The following TAFA1 variants were observed in gnomAD, a reference collection of about 807,000 sequenced individuals.
The protein encoded by TAFA1 is chemokine-like protein TAFA-1.
Under a neutral mutation model 18.5 loss-of-function variants are expected in TAFA1, and 4 were observed. That is an observed-to-expected ratio of 0.22 (90% CI 0.11 to 0.49). The LOEUF (loss-of-function observed/expected upper bound fraction) is 0.49. Among genes scored for constraint, TAFA1 ranks in the 20% least tolerant of loss-of-function variants. The pLI, the probability that TAFA1 is intolerant of heterozygous loss-of-function variation, is 0.98. For synonymous variants in TAFA1, 56 were observed against 55.2 expected, an observed-to-expected ratio of 1.01 and a Z score of -0.06; for missense variants, 147 against 169.0, an observed-to-expected ratio of 0.87 and a Z score of 0.72.
At chr3:68,044,053 C>A (rs991453144) in intron 2 of TAFA1, among the ~76,000 whole-genome samples, 2 of 152,156 alleles carry the variant, frequency 1.3e-5, no homozygotes, top group African/African-American at 4.8e-5. Flanking sequence ...GGATTCTACT[C>A]TTTGAAGACC....
chr3:68,094,702 G>T (rs1559518109), intron 2 of TAFA1, among the ~76,000 whole-genome samples: 1 of 152,046 alleles, frequency 6.6e-6, no homozygotes, highest in South Asian at 2.1e-4. Context: ...TAACCCCCAT[G>T]AGCCTCAGTA....
rs558639873 is a variant in TAFA1 at position 68,130,374 on chromosome 3, C to G, written c.118+123630C>G. ...GTAAAAGGCAAATGTGGTTCTTTCTCCAAGATACAGCTCTGACCCTTTCAT... is the reference window on the plus strand; with the variant it reads ...GTAAAAGGCAAATGTGGTTCTTTCTGCAAGATACAGCTCTGACCCTTTCAT... On this transcript the variant is annotated intron_variant, in intron 2 of 4. Transcript: ENST00000478136. Among the ~76,000 whole-genome samples, 20 of 152,272 alleles carry G rather than the reference C, an allele frequency of 1.3e-4. 1 individual carries two copies. In the South Asian group the frequency reaches 3.9e-3, roughly 30 times the overall value.
intron 2 of TAFA1, among the ~76,000 whole-genome samples, chr3:68,121,614 A>G (rs2065399566): frequency 6.6e-6 from 1 of 152,292 alleles, no homozygotes; most frequent in East Asian, 1.9e-4. Context: ...CCCTAATTCA[A>G]TAACATGAGT....
At chr3:68,166,679 A>T (rs1195718485) in intron 2 of TAFA1, among the ~76,000 whole-genome samples, 3 of 152,144 alleles carry the variant, frequency 2.0e-5, no homozygotes, top group African/African-American at 7.2e-5. Flanking sequence ...GAAGCGCATA[A>T]TGGGAGAGCA....
intron 2 of TAFA1, among the ~76,000 whole-genome samples, chr3:68,031,278 G>T (rs1254542808): frequency 2.6e-5 from 4 of 152,138 alleles, no homozygotes; most frequent in Non-Finnish European, 5.9e-5. Context: ...AGAAATTGAT[G>T]TTGAATTCAT....
At chr3:68,061,166 A>G (rs2064597572) in intron 2 of TAFA1, among the ~76,000 whole-genome samples, 1 of 152,240 alleles carries the variant, frequency 6.6e-6, no homozygotes, top group Admixed American at 6.5e-5. Flanking sequence ...GACATGGCAT[A>G]TGCGAGTCTG....
At chr3:68,439,124 G>T (rs971982356) in intron 3 of TAFA1, among the ~76,000 whole-genome samples, 72 of 151,906 alleles carry the variant, frequency 4.7e-4, no homozygotes, top group Non-Finnish European at 1.0e-4. Flanking sequence ...CTACACCATT[G>T]GTTTTTCTCT....
At chr3:68,085,627 A>G (rs2106786097) in intron 2 of TAFA1, among the ~76,000 whole-genome samples, 1 of 152,332 alleles carries the variant, frequency 6.6e-6, no homozygotes, top group Non-Finnish European at 1.5e-5. Context: ...TGCCTTCCAT[A>G]GAGCTTTGAA....
intron 3 of TAFA1, among the ~76,000 whole-genome samples, chr3:68,488,918 T>C (rs1363812811): frequency 2.6e-5 from 4 of 152,246 alleles, no homozygotes; most frequent in African/African-American, 4.8e-5. Context: ...GGCTCTGTTA[T>C]AACTGGCACC....
chr3:68,108,467 T>C (rs1032634540), intron 2 of TAFA1, among the ~76,000 whole-genome samples: 31 of 2,360 alleles, frequency 0.013, no homozygotes, highest in Admixed American at 0.018. Flanking sequence ...TGTGTGCATG[T>C]GTGTGTGTGT....
At chr3:68,501,418 A>C (rs758113504) in intron 3 of TAFA1, among the ~76,000 whole-genome samples, 1 of 152,160 alleles carries the variant, frequency 6.6e-6, no homozygotes, top group Non-Finnish European at 1.5e-5. Context: ...TAAATAAATA[A>C]TCTGAAAATG....
At chr3:68,022,933 C>A (rs1455003418) in intron 2 of TAFA1, among the ~76,000 whole-genome samples, 21 of 145,510 alleles carry the variant, frequency 1.4e-4, no homozygotes, top group Non-Finnish European at 2.8e-4. Flanking sequence ...TTTCATTAAT[C>A]CTTATATTTA....
chr3:68,444,769 AAAATATATATATATATAT>A (rs1413945334), intron 3 of TAFA1, among the ~76,000 whole-genome samples: 4 of 63,618 alleles, frequency 6.3e-5, no homozygotes, highest in African/African-American at 2.5e-4. Context: ...TTGTTTCTAC[AAAATATATATATATATAT>A]ATATATATAT....
At chr3:68,454,928 T>C (rs1385352056) in intron 3 of TAFA1, among the ~76,000 whole-genome samples, 1 of 151,978 alleles carries the variant, frequency 6.6e-6, no homozygotes, top group Non-Finnish European at 1.5e-5. Context: ...ACCAATCCCC[T>C]AGACAGTCAA....
intron 2 of TAFA1, among the ~76,000 whole-genome samples, chr3:68,049,439 C>A (rs1269298833): frequency 1.3e-5 from 2 of 151,404 alleles, no homozygotes; most frequent in Non-Finnish European, 2.9e-5. Flanking sequence ...TTTTTTAATC[C>A]CTGAAGAAAA....
intron 2 of TAFA1, among the ~76,000 whole-genome samples, chr3:68,168,850 T>C (rs1021846246): frequency 6.6e-6 from 1 of 152,248 alleles, no homozygotes; most frequent in African/African-American, 2.4e-5. Flanking sequence ...CCAAAGTCAC[T>C]GTTCTGGAAG....
chr3:68,195,300 G>C (rs1305052752), intron 2 of TAFA1, among the ~76,000 whole-genome samples: 1 of 148,216 alleles, frequency 6.7e-6, no homozygotes, highest in Non-Finnish European at 1.5e-5. Context: ...ACAACATAAG[G>C]CTTCTTGTGC....
At chr3:68,413,403 T>C (rs915618344) in intron 2 of TAFA1, among the ~76,000 whole-genome samples, 1 of 152,204 alleles carries the variant, frequency 6.6e-6, no homozygotes, top group Non-Finnish European at 1.5e-5. Context: ...GATGTGTTTA[T>C]TATGGTATTG....
chr3:68,364,762 A>G (rs955318229), intron 2 of TAFA1, among the ~76,000 whole-genome samples: 4 of 152,240 alleles, frequency 2.6e-5, no homozygotes, highest in Non-Finnish European at 5.9e-5. Context: ...TGCCAGGCAG[A>G]ATTCTAAGAA....
Sources: gnomAD v4.1 joint callset for allele counts (sites outside exome capture counted in the v4.1 genomes callset) on GRCh38, gnomAD v4.1.1 for gene constraint, MANE v1.5 for transcripts, NCBI Gene and HGNC (gene_info 2026-07-23, HGNC 2026-07-21) for gene names.